The following PKP4 variants were observed in gnomAD, a reference collection of about 807,000 sequenced individuals.
The protein encoded by PKP4 is plakophilin-4.
PKP4 carries 90 observed loss-of-function variants against 145.1 expected under a neutral mutation model. The observed-to-expected ratio is 0.62, with a 90% CI of 0.52 to 0.74. The LOEUF (loss-of-function observed/expected upper bound fraction) is 0.74, where lower values mean the gene tolerates loss of function less well. Ranked by LOEUF, PKP4 falls within the 30% of genes least tolerant of loss-of-function variation. The pLI is 0.00. For missense variants in PKP4, 1,340 were observed against 1,482.7 expected (o/e 0.90, Z 1.58); for synonymous variants, 563 against 577.2 (o/e 0.98, Z 0.35).
At position 158,620,992 on chromosome 2, in the gene PKP4, G is replaced by C; in HGVS notation, c.283G>C (p.Val95Leu). The C allele has an allele frequency of 6.2e-7, 1 of 1,613,496 alleles. No individual in the cohort carries two copies. The highest frequency in any genetic ancestry group is 1.1e-5 in the South Asian group (1 of 91,020). Residue 95 changes from valine to leucine, a missense_variant and splice_region_variant, in exon 5 of 22, where the codon GTG becomes CTG. Physicochemically the swap from Val to Leu is conservative, Grantham distance 32. Transcript: ENST00000389759. ...EKSFPWRSTD[V>L]PNTGVSKPRV... is the part of the protein sequence containing the mutation. ...TGATTAAACTTTTCTTGTTACAGAC[G>C]TGCCAAATACTGGTGTAAGCAAACC...
intron 9 of PKP4, among the ~76,000 whole-genome samples, chr2:158,636,388 G>A (rs1424532191): frequency 1.3e-5 from 2 of 151,972 alleles, no homozygotes; most frequent in African/African-American, 4.8e-5. Context: ...TGTTGATAAG[G>A]CAGACATCAT....
At chr2:158,571,113 C>T (rs1463427665) in intron 2 of PKP4, among the ~76,000 whole-genome samples, 1 of 152,078 alleles carries the variant, frequency 6.6e-6, no homozygotes, top group Non-Finnish European at 1.5e-5. Flanking sequence ...CTGAAATGAG[C>T]GCCTACTGCT....
rs149920055 is a variant in PKP4 at position 158,554,002 on chromosome 2, G to A, written c.132+20686G>A. Among the ~76,000 whole-genome samples the A allele has an allele frequency of 3.7e-4, 57 of 152,208 alleles. 1 individual carries two copies. Among genetic ancestry groups the A allele is most frequent in the Non-Finnish European group, 4.4e-5 (3 of 68,002 alleles). ...TGGGTTGCATGTATTTGGGACATGG[G>A]ACAGACATGAATTTATTTCTTTAAC... On this transcript the variant is annotated intron_variant, in intron 2 of 21. Transcript: ENST00000389759.
chr2:158,571,479 C>G (rs1029917973), intron 2 of PKP4, among the ~76,000 whole-genome samples: 1 of 152,254 alleles, frequency 6.6e-6, no homozygotes, highest in African/African-American at 2.4e-5. Flanking sequence ...TCTCTCCTCT[C>G]CCTTCTTTGA....
rs1045462866 is a variant in PKP4, at chr2:158,478,369, A to T, written c.-6+21151A>T. On this transcript the variant is annotated intron_variant, in intron 1 of 21. Transcript: ENST00000389759. ...ATGACGTGCTGTGGTTTTGATTTTC[A>T]TAGTAAATCCTTTAGACTATGCCGA... is the stretch of plus-strand genomic sequence containing the variant. 1.3e-5 allele frequency among the ~76,000 whole-genome samples: 2 copies of T among 152,066 alleles called. 1 individual carries two copies. The highest frequency in any genetic ancestry group is 6.8e-3 in the Middle Eastern group (2 of 294).
intron 11 of PKP4, among the ~76,000 whole-genome samples, chr2:158,643,719 A>AG (rs1444890687): frequency 4.1e-5 from 5 of 120,804 alleles, no homozygotes; most frequent in African/African-American, 1.1e-4. Flanking sequence ...TTTCAAAAAA[A>AG]AAAAAAAAAG....
intron 1 of PKP4, among the ~76,000 whole-genome samples, chr2:158,498,065 A>G (rs1696002005): frequency 6.6e-6 from 1 of 152,226 alleles, no homozygotes; most frequent in Non-Finnish European, 1.5e-5. Context: ...AAATTTTTTT[A>G]GAAAAAGGAG....
intron 1 of PKP4, among the ~76,000 whole-genome samples, chr2:158,501,290 A>G (rs888095986): frequency 2.6e-5 from 4 of 152,208 alleles, no homozygotes; most frequent in Non-Finnish European, 5.9e-5. Flanking sequence ...ATACCCCAAC[A>G]TTTATTGTTG....
chr2:158,482,636 C>T (rs1381059782), intron 1 of PKP4, among the ~76,000 whole-genome samples: 1 of 152,058 alleles, frequency 6.6e-6, no homozygotes, highest in Non-Finnish European at 1.5e-5. Context: ...AGGAATTTAA[C>T]ACCAGTCTGG....
intron 1 of PKP4, among the ~76,000 whole-genome samples, chr2:158,496,395 T>TA (rs1277164973): frequency 1.3e-5 from 2 of 152,216 alleles, no homozygotes; most frequent in African/African-American, 2.4e-5. Flanking sequence ...GCCTTGGCTG[T>TA]AAGGATTGAA....
chr2:158,666,275 C>T (rs1342836852), intron 15 of PKP4, 138 bp from the exon 16 acceptor site: 1 of 726,188 alleles, frequency 1.4e-6, no homozygotes. Context: ...TTCACTGACA[C>T]CACAGATTTG....
At chr2:158,555,019 A>G (rs1350853977) in intron 2 of PKP4, among the ~76,000 whole-genome samples, 2 of 152,232 alleles carry the variant, frequency 1.3e-5, no homozygotes, top group Admixed American at 6.5e-5. Context: ...TCCAAAGAAT[A>G]TATCTCTTCT....
chr2:158,535,964 A>G (rs1205929942), intron 2 of PKP4, among the ~76,000 whole-genome samples: 1 of 152,206 alleles, frequency 6.6e-6, no homozygotes, highest in Non-Finnish European at 1.5e-5. Context: ...TATAAGATGC[A>G]GGTAATAATA....
intron 1 of PKP4, among the ~76,000 whole-genome samples, chr2:158,508,814 A>G (rs752761189): frequency 6.6e-4 from 100 of 152,172 alleles, no homozygotes; most frequent in Admixed American, 1.4e-3. Flanking sequence ...TCAAAATTTT[A>G]TATTTCTACC....
At chr2:158,633,956 G>A (rs868413280) in intron 8 of PKP4, 114 bp from the exon 9 acceptor site, 5 of 622,294 alleles carry the variant, frequency 8.0e-6, no homozygotes, top group African/African-American at 1.8e-5. Context: ...AAAAGTAAGC[G>A]ATTTATATAA....
rs2056749987 is a variant in PKP4 at position 158,663,015 on chromosome 2, C to T, written c.2330C>T (p.Pro777Leu). 1 of 1,613,700 alleles carries T rather than the reference C, an allele frequency of 6.2e-7. No individual in the cohort carries two copies. Among genetic ancestry groups the T allele is most frequent in the African/African-American group, 1.3e-5 (1 of 74,786 alleles). ...ELDDLLGKES[P>L]SKDSEPSCWG... ...GATGACTTACTAGGAAAAGAGTCTC[C>T]CAGCAAAGACTCTGAGCCAAGTTGC... The change falls in exon 14 of 22, where the codon CCC becomes CTC. Residue 777 changes from proline to leucine, a missense_variant. By Grantham distance (98) the Pro-to-Leu change is moderately conservative (BLOSUM62 -3). Transcript: ENST00000389759.
chr2:158,567,526 A>G (rs1349477975), intron 2 of PKP4, among the ~76,000 whole-genome samples: 3 of 152,154 alleles, frequency 2.0e-5, no homozygotes, highest in African/African-American at 7.2e-5. Context: ...GATGATTTCA[A>G]ATCTTGGTTT....
chr2:158,517,405 C>T (rs1331018747), intron 1 of PKP4, among the ~76,000 whole-genome samples: 1 of 152,152 alleles, frequency 6.6e-6, no homozygotes, highest in African/African-American at 2.4e-5. Flanking sequence ...CTCTTTTGAG[C>T]CCCTGCCATC....
chr2:158,545,692 T>G (rs979881686), intron 2 of PKP4, among the ~76,000 whole-genome samples: 1 of 152,222 alleles, frequency 6.6e-6, no homozygotes, highest in African/African-American at 2.4e-5. Flanking sequence ...GATTTAAACC[T>G]GGTACCATAG....
Sources: gnomAD v4.1 joint callset for allele counts (sites outside exome capture counted in the v4.1 genomes callset) on GRCh38, gnomAD v4.1.1 for gene constraint, MANE v1.5 for transcripts, NCBI Gene and HGNC (gene_info 2026-07-23, HGNC 2026-07-21) for gene names.